Variants in FDXR observed in about 807,000 individuals in gnomAD.
The protein encoded by FDXR is NADPH:adrenodoxin oxidoreductase, mitochondrial.
FDXR carries 38 observed loss-of-function variants against 58.3 expected under a neutral mutation model. The observed-to-expected ratio is 0.65, with a 90% CI of 0.50 to 0.85. The LOEUF is 0.85. Ranked by LOEUF, FDXR falls within the 40% of genes least tolerant of loss-of-function variation. The probability of loss-of-function intolerance (pLI) is 0.00; values close to 1 mark genes in which losing one functional copy is unlikely to be tolerated. For synonymous variants in FDXR, 275 were observed against 273.8 expected, an observed-to-expected ratio of 1.00 and a Z score of -0.04; for missense variants, 624 against 671.0, an observed-to-expected ratio of 0.93 and a Z score of 0.77.
At chr17:74,868,711 C>T (rs931033717) in intron 2 of FDXR, 3 of 1,525,738 alleles carry the variant, frequency 2.0e-6, no homozygotes, top group African/African-American at 1.4e-5. Flanking sequence ...CCTTCCCTCC[C>T]TCCTGTCCCT....
intron 1 of FDXR, 85 bp downstream of exon 1, chr17:74,872,781 C>T (rs1187977829): frequency 6.5e-7 from 1 of 1,538,010 alleles, no homozygotes; most frequent in South Asian, 1.2e-5. Context: ...TTCTCCAGCC[C>T]TGCCCCAGCT....
At chr17:74,863,751 G>A (rs2038058614) in intron 10 of FDXR, 145 bp downstream of exon 10, 2 of 988,108 alleles carry the variant, frequency 2.0e-6, no homozygotes, top group East Asian at 2.4e-5. Flanking sequence ...GCCAAGAGGA[G>A]GGCGGCACTG....
Position 74,862,716 on chromosome 17 carries a change from G to T in FDXR, c.*101C>A, listed in dbSNP as rs2038006757. On this transcript the variant is annotated 3_prime_UTR_variant, in exon 12 of 12. Coordinates refer to ENST00000293195, the MANE Select transcript of FDXR (RefSeq NM_024417.5). The stretch of plus-strand genomic sequence containing the variant: ...CAGCCAAGCCTCCAAGCCAGGGCCG[G>T]CCGGGATCAGCAGAGGTGCAAAGTC... 2 of 1,446,998 alleles carry T rather than the reference G, an allele frequency of 1.4e-6. No individual in the cohort carries two copies. The highest frequency in any genetic ancestry group is 2.8e-5 in the South Asian group (2 of 72,346). The allele number at this position is 1,446,998 out of a possible 1,614,324, so 89.6% of individuals were successfully genotyped here.
intron 1 of FDXR, chr17:74,872,379 G>A: frequency 2.0e-6 from 2 of 985,058 alleles, no homozygotes; most frequent in Non-Finnish European, 1.5e-6. Flanking sequence ...CCAATGGCCT[G>A]CCCAACAACA....
At position 74,863,239 on chromosome 17, in the gene FDXR, G is replaced by A; in HGVS notation, c.1182C>T (p.Tyr394=). The A allele has an allele frequency of 6.2e-7, 1 of 1,611,940 alleles. No individual in the cohort carries two copies. The change falls in exon 11 of 12, where the codon TAC becomes TAT. Residue 394 remains tyrosine, a synonymous_variant. Coordinates refer to ENST00000293195, the MANE Select transcript of FDXR (RefSeq NM_024417.5). ...GTCCTCTCTTCACCCAGCCGCTGCA[G>A]TAGAGGCCTGAGAGGGGGTAACAAA... ...EGRVMDVPGL[Y]CSGWVKRGPT...
At position 74,862,645 on chromosome 17, in the gene FDXR, G is replaced by T. The variant is rs1022454818; in HGVS notation, c.*172C>A. On this transcript the variant is annotated 3_prime_UTR_variant, in exon 12 of 12. Transcript: ENST00000293195. Reference sequence around the variant, plus strand: ...CAGTTGCTGAAAGCTAAAACCTTGCGCGCAAGGGCGACCTTCCCCAGGAGG... The same window carrying T: ...CAGTTGCTGAAAGCTAAAACCTTGCTCGCAAGGGCGACCTTCCCCAGGAGG... The T allele has an allele frequency of 1.1e-5, 10 of 892,834 alleles. No homozygotes were observed. Among genetic ancestry groups the T allele is most frequent in the Non-Finnish European group, 1.6e-5 (10 of 609,228 alleles). The allele number at this position is 892,834 out of a possible 1,614,324, so 55.3% of individuals were successfully genotyped here. A position where few individuals can be genotyped will look rare whatever the true frequency, so the allele number is the denominator to read the frequency against.
chr17:74,862,977 C>T (rs1348274204), intron 11 of FDXR, 30 bp from the exon 12 acceptor site: 1 of 1,606,546 alleles, frequency 6.2e-7, no homozygotes. Context: ...GTCAACACCT[C>T]CTCCTTCACC....
chr17:74,867,710 C>G (rs1243259606), intron 2 of FDXR, among the ~76,000 whole-genome samples: 1 of 152,150 alleles, frequency 6.6e-6, no homozygotes, highest in East Asian at 1.9e-4. Context: ...CCCAGGGCAC[C>G]TTGAGAGGCC....
rs1332360007 is a variant in FDXR at position 74,862,706 on chromosome 17, G to T, written c.*111C>A. The T allele has an allele frequency of 7.1e-7, 1 of 1,416,236 alleles. No individual in the cohort carries two copies. The highest frequency in any genetic ancestry group is 9.4e-7 in the Non-Finnish European group (1 of 1,063,234). The allele number at this position is 1,416,236 out of a possible 1,614,324, so 87.7% of individuals were successfully genotyped here. On this transcript the variant is annotated 3_prime_UTR_variant, in exon 12 of 12. Coordinates refer to ENST00000293195, the MANE Select transcript of FDXR (RefSeq NM_024417.5). ...GCTGGAAGAGCAGCCAAGCCTCCAA[G>T]CCAGGGCCGGCCGGGATCAGCAGAG...
Position 74,862,741 on chromosome 17 carries a change from C to T in FDXR, c.*76G>A. ...GCCGGGATCAGCAGAGGTGCAAAGT[C>T]CCACTCAGACGGACCCAGCCCTTCC... On this transcript the variant is annotated 3_prime_UTR_variant, in exon 12 of 12. Transcript: ENST00000293195. The T allele has an allele frequency of 6.6e-7, 1 of 1,517,108 alleles. No homozygotes were observed. The highest frequency in any genetic ancestry group is 1.3e-5 in the South Asian group (1 of 79,662). 94.0% of individuals were successfully genotyped at this position (1,517,108 alleles called of 1,614,324 possible).
intron 2 of FDXR, among the ~76,000 whole-genome samples, chr17:74,867,165 A>G (rs2144665862): frequency 6.6e-6 from 1 of 151,900 alleles, no homozygotes; most frequent in East Asian, 1.9e-4. Flanking sequence ...AGATTAGCTG[A>G]GCGTGGTGGT....
rs752001360 is a variant in FDXR, at chr17:74,865,752, GGCCACGTCCAGA to G, written c.564_575del (p.Leu189_Ala192del). 1.9e-6 allele frequency: 3 copies of G among 1,613,166 alleles called. No homozygotes were observed. Among genetic ancestry groups the G allele is most frequent in the Non-Finnish European group, 2.5e-6 (3 of 1,179,900 alleles). ...GCTCAGGTGGGGTCAGTAGGATGCG[GGCCACGTCCAGA>G]GCCACGTTCCCCTGCCCCAGAATCA... On this transcript the variant is annotated inframe_deletion, in exon 6 of 12. Transcript: ENST00000293195.
At position 74,868,429 on chromosome 17, in the gene FDXR, A is replaced by G. The variant is rs912839454; in HGVS notation, c.178-1553T>C. ...GTGTTCAATCAAGAAGAGAGCTATC[A>G]TTACTATTCTGTTGTTGTATGTCAC... On this transcript the variant is annotated intron_variant, in intron 2 of 11. Transcript: ENST00000293195. The G allele has an allele frequency of 6.9e-6, 5 of 729,026 alleles. No individual in the cohort carries two copies. The East Asian group carries it at 1.1e-4, about 16-fold the overall frequency. 45.2% of individuals were successfully genotyped at this position (729,026 alleles called of 1,614,324 possible).
Position 74,872,892 on chromosome 17 carries a change from C to T in FDXR, c.53G>A (p.Arg18Gln), listed in dbSNP as rs541381194. 28 of 1,551,370 alleles carry T rather than the reference C, an allele frequency of 1.8e-5. No individual in the cohort carries two copies. Among genetic ancestry groups the T allele is most frequent in the East Asian group, 7.2e-5 (3 of 41,394 alleles). The change falls in exon 1 of 12, where the codon CGG becomes CAG. Residue 18 changes from arginine to glutamine, a missense_variant. Physicochemically the swap from Arg to Gln is conservative, Grantham distance 43. Transcript: ENST00000293195. ...CGGGGTGCTCCCGGCGGGAGGCAGC[C>T]GGGTCCGAGGCCACGCCGACCAGCC... ...WWGWSAWPRT[R>Q]LPPAGSTPSF... is the part of the protein sequence containing the mutation.
At chr17:74,862,978 C>T (rs1204245827) in intron 11 of FDXR, 31 bp from the exon 12 acceptor site, 1 of 1,606,432 alleles carries the variant, frequency 6.2e-7, no homozygotes, top group African/African-American at 1.3e-5. Flanking sequence ...TCAACACCTC[C>T]TCCTTCACCC....
chr17:74,864,287 G>A lies in FDXR; in HGVS notation c.863C>T (p.Pro288Leu), dbSNP rs1333750621. ...ELLLRTATEK[P>L]GPAEAARQAS... ...CTGGCGGGCAGCTTCCGCCGGCCCT[G>A]GCTTCTCTGTGGCCGTTCGAAGCAG... Residue 288 changes from proline (P) to leucine (L), a missense_variant, in exon 9 of 12, where the codon CCA (proline) becomes CTA (leucine). Coordinates refer to ENST00000293195, the MANE Select transcript of FDXR (RefSeq NM_024417.5). 6.3e-7 allele frequency: 1 copy of A among 1,594,934 alleles called. No homozygotes were observed. The highest frequency in any genetic ancestry group is 1.7e-5 in the Admixed American group (1 of 58,674).
In FDXR at chr17:74,866,187, C is replaced by T. The variant is rs374082956; in HGVS notation, c.451G>A (p.Val151Met). Reference protein sequence around the residue: ...LEIPGEELPGVCSARAFVGWY... With the variant: ...LEIPGEELPGMCSARAFVGWY... ...CCCACGAAGGCCCGGGCGGAGCACACACCTGGCAGCTCCTCACCAGGAATT... is the reference window on the plus strand; with the variant it reads ...CCCACGAAGGCCCGGGCGGAGCACATACCTGGCAGCTCCTCACCAGGAATT... The change falls in exon 5 of 12, where the codon GTG (valine) becomes ATG (methionine). Residue 151 changes from valine to methionine, a missense_variant. By Grantham distance (21) the Val-to-Met change is conservative (BLOSUM62 1). Transcript: ENST00000293195. 6 of 1,614,074 alleles carry T rather than the reference C, an allele frequency of 3.7e-6. No homozygotes were observed. The highest frequency in any genetic ancestry group is 5.1e-6 in the Non-Finnish European group (6 of 1,180,014).
At chr17:74,867,149 A>C in intron 2 of FDXR, 1 of 608,094 alleles carries the variant, frequency 1.6e-6, no homozygotes, top group Non-Finnish European at 2.8e-6. Flanking sequence ...TCTACTAAAA[A>C]TACAAAGATT....
In FDXR at chr17:74,864,331, C is replaced by T; in HGVS notation, c.819G>A (p.Arg273=). 6.3e-7 allele frequency: 1 copy of T among 1,576,618 alleles called. No individual in the cohort carries two copies. The highest frequency in any genetic ancestry group is 1.1e-5 in the South Asian group (1 of 88,250). Residue 273 remains arginine, a synonymous_variant, in exon 9 of 12, where the codon AGG becomes AGA. Transcript: ENST00000293195. ...GAAGCAGCAGTTCCGTCAGCCGCTT[C>T]CTCGGGCGGGGGACCTCTGTCAGCA... The part of the protein sequence containing the change: ...QDKIKEVPRP[R]KRLTELLLRT...
Sources: gnomAD v4.1 joint callset for allele counts (sites outside exome capture counted in the v4.1 genomes callset) on GRCh38, gnomAD v4.1.1 for gene constraint, MANE v1.5 for transcripts, NCBI Gene and HGNC (gene_info 2026-07-23, HGNC 2026-07-21) for gene names.